C2CD3: variants seen among roughly 807,000 people sequenced by gnomAD.
The protein encoded by C2CD3 is C2 domain containing 3 centriole elongation regulator, also known as C2 domain-containing protein 3.
C2CD3 carries 148 observed loss-of-function variants against 234.0 expected under a neutral mutation model. That is an observed-to-expected ratio of 0.63 (90% CI 0.55 to 0.72). C2CD3 has a LOEUF of 0.72. C2CD3 is among the 30% of genes least tolerant of loss of function. The probability of loss-of-function intolerance (pLI) is 0.00; values close to 1 mark genes in which losing one functional copy is unlikely to be tolerated. For synonymous variants in C2CD3, 1,000 were observed against 1,035.4 expected (o/e 0.97, Z 0.66); for missense variants, 2,577 against 2,811.5 (o/e 0.92, Z 1.89).
intron 23 of C2CD3, among the ~76,000 whole-genome samples, chr11:74,077,568 G>A (rs911200428): frequency 6.6e-6 from 1 of 151,266 alleles, no homozygotes; most frequent in African/African-American, 2.4e-5. Context: ...TCATAAGTGG[G>A]AGGTGAACAA....
intron 32 of C2CD3, among the ~76,000 whole-genome samples, chr11:74,014,519 G>T (rs1057300794): frequency 6.6e-6 from 1 of 151,988 alleles, no homozygotes; most frequent in Non-Finnish European, 1.5e-5. Context: ...GAGAAACTGA[G>T]GCCCAGCGAG....
chr11:74,118,534 C>CTAATCCCAGCACTTTGGGAGG, intron 8 of C2CD3, 152 bp from the exon 9 acceptor site: 1 of 550,018 alleles, frequency 1.8e-6, no homozygotes. Context: ...CCATATTTCT[C>CTAATCCCAGCACTTTGGGAGG]CTGGTTATAC....
At position 74,133,623 on chromosome 11, in the gene C2CD3, T is replaced by C. The variant is rs943783809; in HGVS notation, c.956-66A>G. The C allele has an allele frequency of 2.6e-6, 4 of 1,555,334 alleles. No homozygotes were observed. The African/African-American group carries it at 4.1e-5, about 16-fold the overall frequency. On this transcript the variant is annotated intron_variant, in intron 5 of 32. Transcript: ENST00000334126. ...CAGCAGAAACATTTGGAATATTCAG[T>C]GCATTTCCTTCTATCAGAGGACTCA...
At position 74,103,317 on chromosome 11, in the gene C2CD3, T is replaced by G. The variant is rs1427358727; in HGVS notation, c.2394A>C (p.Thr798=). The change falls in exon 14 of 33, where the codon ACA becomes ACC. Residue 798 remains threonine (T), a synonymous_variant. Transcript: ENST00000334126. ...HNLVNQTNGT[T]KESALLLHVL... ...CATGCAACAGCAAAGCACTCTCTTT[T>G]GTTGTCCCATTTGTCTGATTGACTA... 6.2e-7 allele frequency: 1 copy of G among 1,614,084 alleles called. No homozygotes were observed. The highest frequency in any genetic ancestry group is 8.5e-7 in the Non-Finnish European group (1 of 1,180,032).
At chr11:74,037,058 T>C (rs191792247) in intron 30 of C2CD3, among the ~76,000 whole-genome samples, 64 of 152,364 alleles carry the variant, frequency 4.2e-4, no homozygotes, top group African/African-American at 1.4e-3. Context: ...ACTTCTGGGC[T>C]TTCATAATTA....
Position 74,113,818 on chromosome 11 carries a change from T to G in C2CD3, c.1805A>C (p.Glu602Ala). 1 of 1,612,334 alleles carries G rather than the reference T, an allele frequency of 6.2e-7. No homozygotes were observed. Among genetic ancestry groups the G allele is most frequent in the South Asian group, 1.1e-5 (1 of 90,962 alleles). ...TTTACTGGAGGCGAGTCGAACAACC[T>G]CAGTGATCAAAGCTGTCTTTCCCAA... is the stretch of plus-strand genomic sequence containing the variant. Reference protein sequence around the residue: ...SGLGKTALITEVVRLASSKIT... With the variant: ...SGLGKTALITAVVRLASSKIT... Residue 602 changes from glutamate (E) to alanine (A), a missense_variant, in exon 11 of 33, where the codon GAG becomes GCG. Coordinates refer to ENST00000334126, the MANE Select transcript of C2CD3 (RefSeq NM_001286577.2).
At chr11:74,142,856 CA>C (rs1257716877) in intron 3 of C2CD3, among the ~76,000 whole-genome samples, 1 of 152,162 alleles carries the variant, frequency 6.6e-6, no homozygotes, top group Non-Finnish European at 1.5e-5. Flanking sequence ...TTTGCCTCCC[CA>C]ATCATGATTC....
At chr11:74,076,392 A>T (rs1388171563) in intron 23 of C2CD3, among the ~76,000 whole-genome samples, 3 of 152,226 alleles carry the variant, frequency 2.0e-5, no homozygotes, top group Non-Finnish European at 4.4e-5. Context: ...TGGGGGAAAT[A>T]ACAACTAACT....
At chr11:74,150,211 C>T (rs1028875617) in intron 3 of C2CD3, among the ~76,000 whole-genome samples, 13 of 151,260 alleles carry the variant, frequency 8.6e-5, no homozygotes, top group Non-Finnish European at 2.9e-5. Flanking sequence ...GGTGCGGTGG[C>T]TCACGCCTGT....
At chr11:74,111,919 T>TACACAC (rs61499954) in intron 11 of C2CD3, among the ~76,000 whole-genome samples, 1,334 of 125,084 alleles carry the variant, frequency 0.011, 10 homozygotes, top group Middle Eastern at 0.022. Flanking sequence ...TATTTGCTGA[T>TACACAC]ACACACACAC....
At chr11:74,082,620 TC>T (rs1379462795) in intron 22 of C2CD3, among the ~76,000 whole-genome samples, 2 of 152,136 alleles carry the variant, frequency 1.3e-5, no homozygotes, top group African/African-American at 4.8e-5. Context: ...CAGCCTTGCA[TC>T]CCAGGGATGA....
intron 24 of C2CD3, among the ~76,000 whole-genome samples, chr11:74,062,030 C>T (rs1461616148): frequency 1.3e-5 from 2 of 151,998 alleles, no homozygotes; most frequent in South Asian, 2.1e-4. Context: ...ACAAAGAAGG[C>T]CATTACATAA....
At chr11:74,053,750 A>G (rs771862813) in intron 26 of C2CD3, among the ~76,000 whole-genome samples, 1 of 152,212 alleles carries the variant, frequency 6.6e-6, no homozygotes, top group Non-Finnish European at 1.5e-5. Context: ...ATACAACAGG[A>G]AAGACTGAAA....
At chr11:74,117,060 G>T (rs1273331996) in intron 9 of C2CD3, among the ~76,000 whole-genome samples, 1 of 27,126 alleles carries the variant, frequency 3.7e-5, no homozygotes, top group Admixed American at 4.2e-4. Flanking sequence ...ATATATATAT[G>T]AATATATATA....
intron 24 of C2CD3, among the ~76,000 whole-genome samples, chr11:74,065,982 G>A (rs1189165926): frequency 6.6e-6 from 1 of 151,620 alleles, no homozygotes; most frequent in Non-Finnish European, 1.5e-5. Flanking sequence ...GTTAACGGGT[G>A]CAGCACACCA....
At chr11:74,038,744 A>C (rs1188038171) in intron 29 of C2CD3, among the ~76,000 whole-genome samples, 1 of 152,236 alleles carries the variant, frequency 6.6e-6, no homozygotes, top group Non-Finnish European at 1.5e-5. Context: ...CCTGTCCCTT[A>C]AACACCTTCA....
chr11:74,103,093 C>G, intron 14 of C2CD3, 38 bp downstream of exon 14: 10 of 1,564,162 alleles, frequency 6.4e-6, no homozygotes, highest in Non-Finnish European at 8.7e-6. Flanking sequence ...TCTCTCACCC[C>G]TATATTCCTC....
intron 3 of C2CD3, among the ~76,000 whole-genome samples, chr11:74,161,026 C>G (rs1475256139): frequency 6.6e-6 from 1 of 152,180 alleles, no homozygotes; most frequent in East Asian, 1.9e-4. Flanking sequence ...GCTTGCCTCT[C>G]AGGGAATCTA....
chr11:74,043,728 T>C (rs898259012), intron 28 of C2CD3, among the ~76,000 whole-genome samples: 1 of 152,224 alleles, frequency 6.6e-6, no homozygotes, highest in Admixed American at 6.5e-5. Context: ...TTACTGTGAT[T>C]ATTGGCCATT....
Sources: gnomAD v4.1 joint callset for allele counts (sites outside exome capture counted in the v4.1 genomes callset) on GRCh38, gnomAD v4.1.1 for gene constraint, MANE v1.5 for transcripts, NCBI Gene and HGNC (gene_info 2026-07-23, HGNC 2026-07-21) for gene names.